DNER: variants seen among roughly 807,000 people sequenced by gnomAD.
DNER encodes the protein delta/notch like EGF repeat containing, also known as delta and Notch-like epidermal growth factor-related receptor.
Under a neutral mutation model 78.2 loss-of-function variants are expected in DNER, and 33 were observed. The ratio of observed to expected loss-of-function variants is 0.42; its 90% CI spans 0.32 to 0.56. DNER has a LOEUF of 0.56. Ranked by LOEUF, DNER falls within the 20% of genes least tolerant of loss-of-function variation. DNER has a pLI of 0.11. For synonymous variants in DNER, 417 were observed against 384.8 expected (o/e 1.08, Z -0.98); for missense variants, 918 against 975.3 (o/e 0.94, Z 0.78).
chr2:229,557,806 G>C (rs1696879870), intron 4 of DNER, among the ~76,000 whole-genome samples: 1 of 151,968 alleles, frequency 6.6e-6, no homozygotes, highest in Admixed American at 6.6e-5. Context: ...GGCTTATTTT[G>C]GAAGACAGTG....
chr2:229,425,286 C>T (rs951325875), intron 8 of DNER, among the ~76,000 whole-genome samples: 1 of 152,062 alleles, frequency 6.6e-6, no homozygotes, highest in Non-Finnish European at 1.5e-5. Context: ...TAACGAGAAC[C>T]CTGTTGAATG....
intron 1 of DNER, among the ~76,000 whole-genome samples, chr2:229,593,260 T>TC (rs1193071176): frequency 6.6e-6 from 1 of 151,210 alleles, no homozygotes; most frequent in Non-Finnish European, 1.5e-5. Context: ...CCACAAACCT[T>TC]CCTCCTCCCT....
At chr2:229,597,570 T>G (rs1472042357) in intron 1 of DNER, among the ~76,000 whole-genome samples, 1 of 152,174 alleles carries the variant, frequency 6.6e-6, no homozygotes, top group East Asian at 1.9e-4. Flanking sequence ...TAGACCTAAC[T>G]TTGGGAATGC....
At chr2:229,393,468 C>T (rs1384883172) in intron 10 of DNER, among the ~76,000 whole-genome samples, 2 of 151,750 alleles carry the variant, frequency 1.3e-5, no homozygotes, top group Non-Finnish European at 2.9e-5. Context: ...AGATTAGACA[C>T]TGCAGAAGAA....
intron 1 of DNER, among the ~76,000 whole-genome samples, chr2:229,649,622 T>C (rs1275877683): frequency 6.6e-6 from 1 of 152,202 alleles, no homozygotes; most frequent in Non-Finnish European, 1.5e-5. Flanking sequence ...ACATTGAAAT[T>C]ATATGAGGAC....
At chr2:229,411,393 C>T (rs577739401) in intron 9 of DNER, among the ~76,000 whole-genome samples, 1 of 152,188 alleles carries the variant, frequency 6.6e-6, no homozygotes, top group East Asian at 1.9e-4. Context: ...CCCGTCTCTA[C>T]TAAAAATACA....
In DNER at chr2:229,384,339, C is replaced by T. The variant is rs371909577; in HGVS notation, c.1855+3926G>A. ...ATCTAAAATCGATACCCTAACATCACAATTAAAAGAACTAGAGAAGCAAGA... is the reference window on the plus strand; with the variant it reads ...ATCTAAAATCGATACCCTAACATCATAATTAAAAGAACTAGAGAAGCAAGA... On this transcript the variant is annotated intron_variant, in intron 11 of 12. Coordinates refer to ENST00000341772, the MANE Select transcript of DNER (RefSeq NM_139072.4). 1.5e-3 allele frequency among the ~76,000 whole-genome samples: 226 copies of T among 152,170 alleles called. 1 individual carries two copies. The highest frequency in any genetic ancestry group is 5.2e-3 in the African/African-American group (215 of 41,526).
At chr2:229,540,827 G>A (rs773069346) in intron 5 of DNER, among the ~76,000 whole-genome samples, 21 of 152,172 alleles carry the variant, frequency 1.4e-4, no homozygotes, top group Non-Finnish European at 2.8e-4. Context: ...TCAAAACAAC[G>A]TCTCAGTAGT....
At chr2:229,439,892 T>C (rs1047364049) in intron 8 of DNER, among the ~76,000 whole-genome samples, 6 of 152,234 alleles carry the variant, frequency 3.9e-5, no homozygotes, top group African/African-American at 1.4e-4. Context: ...TCACAGACTC[T>C]GCTAACTCCT....
intron 5 of DNER, among the ~76,000 whole-genome samples, chr2:229,526,577 A>G (rs1696212888): frequency 6.6e-6 from 1 of 152,206 alleles, no homozygotes; most frequent in Non-Finnish European, 1.5e-5. Flanking sequence ...GGCATTAGCT[A>G]GATCCTCATA....
At chr2:229,369,086 C>T (rs1032213684) in intron 11 of DNER, among the ~76,000 whole-genome samples, 10 of 152,070 alleles carry the variant, frequency 6.6e-5, no homozygotes, top group Non-Finnish European at 1.0e-4. Flanking sequence ...CCTTGAGCTT[C>T]GGTTTCTTTG....
chr2:229,673,862 A>G (rs1699252259), intron 1 of DNER, among the ~76,000 whole-genome samples: 1 of 152,156 alleles, frequency 6.6e-6, no homozygotes, highest in East Asian at 1.9e-4. Context: ...GGACAAACAC[A>G]AAGACTCATA....
chr2:229,568,121 T>C (rs1325867756), intron 4 of DNER, among the ~76,000 whole-genome samples: 1 of 152,232 alleles, frequency 6.6e-6, no homozygotes, highest in African/African-American at 2.4e-5. Flanking sequence ...TCATCAAGCA[T>C]ATCAAGTAGA....
At chr2:229,599,321 T>C (rs1697783738) in intron 1 of DNER, among the ~76,000 whole-genome samples, 1 of 152,230 alleles carries the variant, frequency 6.6e-6, no homozygotes, top group African/African-American at 2.4e-5. Flanking sequence ...ATACAGACTT[T>C]AATAGAGATA....
At chr2:229,382,181 T>C (rs1165076150) in intron 11 of DNER, among the ~76,000 whole-genome samples, 1 of 152,012 alleles carries the variant, frequency 6.6e-6, no homozygotes, top group Non-Finnish European at 1.5e-5. Flanking sequence ...GGTCTGACTG[T>C]TAGAAGGAAA....
chr2:229,403,973 G>A (rs913620398), intron 10 of DNER, among the ~76,000 whole-genome samples: 6 of 152,112 alleles, frequency 3.9e-5, no homozygotes, highest in Admixed American at 3.9e-4. Context: ...AGGTGTTTTA[G>A]GTAAAGAGTG....
At chr2:229,421,542 A>G (rs901725995) in intron 8 of DNER, among the ~76,000 whole-genome samples, 1 of 150,206 alleles carries the variant, frequency 6.7e-6, no homozygotes, top group South Asian at 2.1e-4. Flanking sequence ...ATATCTCTAT[A>G]TCTATATTTT....
intron 8 of DNER, among the ~76,000 whole-genome samples, chr2:229,430,519 G>A (rs2106354787): frequency 6.6e-6 from 1 of 152,204 alleles, no homozygotes; most frequent in East Asian, 1.9e-4. Context: ...AAGAGAGACT[G>A]TGACCTAGCC....
intron 11 of DNER, among the ~76,000 whole-genome samples, chr2:229,374,492 G>A (rs547178808): frequency 6.6e-6 from 1 of 152,308 alleles, no homozygotes; most frequent in South Asian, 2.1e-4. Flanking sequence ...ATTTTGGTTA[G>A]TAAGAGCTGA....
Sources: allele counts gnomAD v4.1 joint callset (sites outside exome capture counted in the v4.1 genomes callset), GRCh38; gene constraint gnomAD v4.1.1; transcripts MANE v1.5; gene names NCBI Gene and HGNC (gene_info 2026-07-23, HGNC 2026-07-21).